Variants in CAB39 observed in about 807,000 individuals in gnomAD.
CAB39 encodes calcium binding protein 39.
In CAB39, 8 loss-of-function variants were observed where a neutral mutation model predicts 40.0. The observed-to-expected ratio is 0.20, with a 90% confidence interval of 0.12 to 0.36. The LOEUF (loss-of-function observed/expected upper bound fraction) is 0.36. Ranked by LOEUF, CAB39 falls within the 10% of genes least tolerant of loss-of-function variation. The pLI is 1.00. For synonymous variants in CAB39, 156 were observed against 141.6 expected, an observed-to-expected ratio of 1.10 and a Z score of -0.72; for missense variants, 270 against 401.1, an observed-to-expected ratio of 0.67 and a Z score of 2.79.
chr2:230,813,633 C>A (rs1696342966), intron 6 of CAB39, among the ~76,000 whole-genome samples: 1 of 152,080 alleles, frequency 6.6e-6, no homozygotes, highest in Admixed American at 6.5e-5. Flanking sequence ...AAATTGAATT[C>A]TTGTTTATAT....
intron 1 of CAB39, among the ~76,000 whole-genome samples, chr2:230,729,091 A>G (rs1694639698): frequency 6.6e-6 from 1 of 152,230 alleles, no homozygotes; most frequent in South Asian, 2.1e-4. Context: ...TGCTTATTTT[A>G]CACATTATGA....
At chr2:230,745,218 C>T (rs1176321199) in intron 1 of CAB39, among the ~76,000 whole-genome samples, 2 of 152,148 alleles carry the variant, frequency 1.3e-5, no homozygotes, top group East Asian at 3.8e-4. Flanking sequence ...GTCTACTTGA[C>T]ATATATAATA....
chr2:230,811,802 A>G (rs1179892598), intron 6 of CAB39, among the ~76,000 whole-genome samples: 1 of 152,252 alleles, frequency 6.6e-6, no homozygotes, highest in East Asian at 1.9e-4. Flanking sequence ...ATTTTTCAAC[A>G]TACTAGTAAT....
chr2:230,724,096 A>G (rs1457342431), intron 1 of CAB39, among the ~76,000 whole-genome samples: 2 of 151,924 alleles, frequency 1.3e-5, no homozygotes, highest in Non-Finnish European at 2.9e-5. Flanking sequence ...AAAATACAAA[A>G]ATTAGCTGAG....
At chr2:230,796,093 G>A (rs903533334) in intron 4 of CAB39, among the ~76,000 whole-genome samples, 2 of 152,026 alleles carry the variant, frequency 1.3e-5, no homozygotes, top group African/African-American at 4.8e-5. Flanking sequence ...CTTGCTTTCT[G>A]GCGTAGGATG....
At chr2:230,774,067 C>T (rs1314408955) in intron 2 of CAB39, among the ~76,000 whole-genome samples, 1 of 152,142 alleles carries the variant, frequency 6.6e-6, no homozygotes, top group Non-Finnish European at 1.5e-5. Context: ...ATTCTGGTTT[C>T]CCGTGATCCA....
intron 2 of CAB39, among the ~76,000 whole-genome samples, chr2:230,765,447 G>C (rs181606140): frequency 3.9e-4 from 60 of 152,252 alleles, no homozygotes; most frequent in African/African-American, 1.4e-3. Context: ...AGGGTCTTGA[G>C]GACCTCAAGG....
chr2:230,818,455 G>A, intron 8 of CAB39, 61 bp from the exon 9 acceptor site: 1 of 1,401,944 alleles, frequency 7.1e-7, no homozygotes, highest in Non-Finnish European at 1.0e-6. Context: ...TGTGGCCGCA[G>A]CTCAGGTGTG....
intron 1 of CAB39, among the ~76,000 whole-genome samples, chr2:230,750,248 G>A (rs1695062369): frequency 6.6e-6 from 1 of 152,328 alleles, no homozygotes; most frequent in East Asian, 1.9e-4. Flanking sequence ...AGGTCGTTAA[G>A]AGGGATTAAT....
At chr2:230,792,921 A>G (rs1245499663) in intron 3 of CAB39, among the ~76,000 whole-genome samples, 6 of 152,204 alleles carry the variant, frequency 3.9e-5, no homozygotes, top group African/African-American at 1.4e-4. Context: ...TTTGTTTCTC[A>G]TATCAGAGTC....
At chr2:230,735,072 C>T (rs1439697723) in intron 1 of CAB39, among the ~76,000 whole-genome samples, 2 of 152,106 alleles carry the variant, frequency 1.3e-5, no homozygotes, top group Non-Finnish European at 2.9e-5. Flanking sequence ...TGCCCTGATA[C>T]CCCTTGAATT....
chr2:230,767,359 C>G lies in CAB39; in HGVS notation c.114+7244C>G, dbSNP rs917664519. ...AAAGTCCAGAATCTAATCCCTTCTCCCCATTTTCCTTGTTCCCACTGAGCT... is the reference window on the plus strand; with the variant it reads ...AAAGTCCAGAATCTAATCCCTTCTCGCCATTTTCCTTGTTCCCACTGAGCT... On this transcript the variant is annotated intron_variant, in intron 2 of 8. Transcript: ENST00000258418. Among the ~76,000 whole-genome samples the G allele has an allele frequency of 2.0e-5, 3 of 152,306 alleles. No homozygotes were observed. The South Asian group carries it at 6.2e-4, about 32-fold the overall frequency.
rs117136414 is a variant in CAB39 at position 230,722,943 on chromosome 2, C to T, written c.-44+9713C>T. 3.6e-4 allele frequency among the ~76,000 whole-genome samples: 55 copies of T among 152,024 alleles called. 4 individuals are homozygous for T. In the East Asian group the frequency reaches 0.01, roughly 29 times the overall value. The stretch of plus-strand genomic sequence containing the variant: ...CAGTTGCAAATTGACTCTCGGTTGC[C>T]GAGCTTTATGCTATATTATTATATA... On this transcript the variant is annotated intron_variant, in intron 1 of 8. Transcript: ENST00000258418.
chr2:230,731,004 G>A (rs1196270118), intron 1 of CAB39, among the ~76,000 whole-genome samples: 1 of 152,086 alleles, frequency 6.6e-6, no homozygotes, highest in Non-Finnish European at 1.5e-5. Context: ...ATAACTAATT[G>A]AGATACAAAA....
At chr2:230,725,197 G>T (rs886669797) in intron 1 of CAB39, 26 of 1,605,220 alleles carry the variant, frequency 1.6e-5, no homozygotes, top group Non-Finnish European at 2.2e-5. Flanking sequence ...GCTTGGCGCT[G>T]GCGCCACAAG....
chr2:230,747,541 G>T (rs1179817019), intron 1 of CAB39, among the ~76,000 whole-genome samples: 1 of 152,212 alleles, frequency 6.6e-6, no homozygotes, highest in Non-Finnish European at 1.5e-5. Flanking sequence ...GAAGGAAAAG[G>T]TAGTGTTTAT....
At chr2:230,815,710 C>G (rs186177787) in intron 7 of CAB39, among the ~76,000 whole-genome samples, 197 of 152,204 alleles carry the variant, frequency 1.3e-3, no homozygotes, top group Admixed American at 3.7e-3. Context: ...TTCAGAATTA[C>G]CAACATGAAA....
intron 1 of CAB39, among the ~76,000 whole-genome samples, chr2:230,714,875 G>A (rs1694321501): frequency 6.6e-6 from 1 of 152,214 alleles, no homozygotes; most frequent in South Asian, 2.1e-4. Flanking sequence ...CCTAAGTTTT[G>A]TAAGCTTGCA....
chr2:230,742,248 C>T (rs1694891652), intron 1 of CAB39, among the ~76,000 whole-genome samples: 1 of 152,082 alleles, frequency 6.6e-6, no homozygotes, highest in Admixed American at 6.6e-5. Context: ...GATCTTGGCT[C>T]ACTGCAAGCT....
Sources: allele counts gnomAD v4.1 joint callset (sites outside exome capture counted in the v4.1 genomes callset), GRCh38; gene constraint gnomAD v4.1.1; transcripts MANE v1.5; gene names NCBI Gene and HGNC (gene_info 2026-07-23, HGNC 2026-07-21).